The following TSPAN9 variants were observed in gnomAD, a reference collection of about 807,000 sequenced individuals.
TSPAN9 encodes tetraspanin-9.
Under a neutral mutation model 31.0 loss-of-function variants are expected in TSPAN9, and 16 were observed. The ratio of observed to expected loss-of-function variants is 0.52; its 90% CI spans 0.35 to 0.78. The LOEUF (loss-of-function observed/expected upper bound fraction) is 0.78. Ranked by LOEUF, TSPAN9 falls within the 30% of genes least tolerant of loss-of-function variation. TSPAN9 has a pLI of 0.01. For synonymous variants in TSPAN9, 145 were observed against 121.6 expected, an observed-to-expected ratio of 1.19 and a Z score of -1.27; for missense variants, 272 against 312.5, an observed-to-expected ratio of 0.87 and a Z score of 0.98.
At chr12:3,219,547 C>T (rs753393160) in intron 3 of TSPAN9, among the ~76,000 whole-genome samples, 3 of 152,268 alleles carry the variant, frequency 2.0e-5, no homozygotes, top group South Asian at 4.1e-4. Flanking sequence ...ACAGGCAGCT[C>T]TCTCAAATGG....
intron 3 of TSPAN9, among the ~76,000 whole-genome samples, chr12:3,230,851 C>G (rs1355108803): frequency 1.3e-5 from 2 of 152,170 alleles, no homozygotes; most frequent in African/African-American, 2.4e-5. Context: ...CTCGGCCCCC[C>G]TGGAGACCCC....
intron 3 of TSPAN9, among the ~76,000 whole-genome samples, chr12:3,241,743 T>A (rs903774663): frequency 2.6e-5 from 4 of 152,188 alleles, no homozygotes; most frequent in Admixed American, 6.5e-5. Context: ...GCCTTGCCAG[T>A]GTGCCCAGTG....
chr12:3,282,210 G>A (rs149642855), intron 8 of TSPAN9: 121 of 581,612 alleles, frequency 2.1e-4, no homozygotes, highest in African/African-American at 9.9e-4. Context: ...AGACCACACC[G>A]GGCTTCCTTC....
At chr12:3,082,917 G>A (rs145868855) in intron 1 of TSPAN9, among the ~76,000 whole-genome samples, 252 of 152,264 alleles carry the variant, frequency 1.7e-3, no homozygotes, top group Non-Finnish European at 3.0e-3. Context: ...AACAGAGTAG[G>A]CACAGTGGAC....
chr12:3,261,157 A>G (rs988901188), intron 3 of TSPAN9, among the ~76,000 whole-genome samples: 3 of 152,066 alleles, frequency 2.0e-5, no homozygotes, highest in African/African-American at 7.2e-5. Flanking sequence ...ATTTGCGGGG[A>G]TGTGGCCTAA....
At chr12:3,176,947 C>T (rs1251460044) in intron 2 of TSPAN9, among the ~76,000 whole-genome samples, 1 of 151,988 alleles carries the variant, frequency 6.6e-6, no homozygotes, top group South Asian at 2.1e-4. Flanking sequence ...CCCGCATTAG[C>T]GGGAAGAGTA....
intron 2 of TSPAN9, among the ~76,000 whole-genome samples, chr12:3,109,706 G>A (rs1404515071): frequency 1.3e-5 from 2 of 150,678 alleles, no homozygotes; most frequent in South Asian, 2.1e-4. Flanking sequence ...GCTGAGGCAG[G>A]AGAATTGCTT....
rs368748026 is a variant in TSPAN9, at chr12:3,078,647, C to T, written c.-85+1194C>T. Among the ~76,000 whole-genome samples the T allele has an allele frequency of 3.9e-4, 60 of 152,218 alleles. No individual in the cohort carries two copies. The South Asian group carries it at 0.012, about 31-fold the overall frequency. On this transcript the variant is annotated intron_variant, in intron 1 of 8. Coordinates refer to ENST00000011898, the MANE Select transcript of TSPAN9 (RefSeq NM_006675.5). ...CCGGCTTCCTACCCTCGGCTTGGTC[C>T]TGGCATGGCTGATGCAGCTGGGCTG...
intron 3 of TSPAN9, among the ~76,000 whole-genome samples, chr12:3,234,453 C>T (rs1175815369): frequency 6.6e-6 from 1 of 152,210 alleles, no homozygotes; most frequent in Non-Finnish European, 1.5e-5. Flanking sequence ...GCAGCACTGA[C>T]ATAGTAGTAG....
intron 3 of TSPAN9, among the ~76,000 whole-genome samples, chr12:3,236,136 G>C (rs2098393637): frequency 6.6e-6 from 1 of 152,224 alleles, no homozygotes; most frequent in African/African-American, 2.4e-5. Context: ...CAGTGCACCT[G>C]AAGTCAGAAG....
chr12:3,250,019 G>A (rs2153978001), intron 3 of TSPAN9, among the ~76,000 whole-genome samples: 1 of 152,202 alleles, frequency 6.6e-6, no homozygotes, highest in East Asian at 1.9e-4. Flanking sequence ...AATAAATTAG[G>A]ACTACCCATG....
chr12:3,094,456 G>T (rs932852919), intron 2 of TSPAN9, among the ~76,000 whole-genome samples: 1 of 152,034 alleles, frequency 6.6e-6, no homozygotes, highest in African/African-American at 2.4e-5. Context: ...GGATGATGGC[G>T]TGGCTTTAAA....
chr12:3,078,725 C>G (rs2098296353), intron 1 of TSPAN9, among the ~76,000 whole-genome samples: 1 of 151,504 alleles, frequency 6.6e-6, no homozygotes. Context: ...TAATTCAGTT[C>G]TACTCTCACT....
Position 3,220,508 on chromosome 12 carries a change from A to T in TSPAN9, c.63+19252A>T, listed in dbSNP as rs1383266322. 4.6e-5 allele frequency among the ~76,000 whole-genome samples: 7 copies of T among 152,276 alleles called. No individual in the cohort carries two copies. In the South Asian group the frequency reaches 1.5e-3, roughly 32 times the overall value. On this transcript the variant is annotated intron_variant, in intron 3 of 8. Coordinates refer to ENST00000011898, the MANE Select transcript of TSPAN9 (RefSeq NM_006675.5). ...GCATAGCTCACAAATATTGGCCGAG[A>T]TGCTTCTTTGGAGCAGGCAGAGGTG... is the stretch of plus-strand genomic sequence containing the variant.
intron 3 of TSPAN9, among the ~76,000 whole-genome samples, chr12:3,228,948 C>G (rs1054149819): frequency 6.6e-6 from 1 of 152,196 alleles, no homozygotes; most frequent in African/African-American, 2.4e-5. Context: ...ACTGCAATCC[C>G]TCATCTCCTC....
At chr12:3,080,266 T>G (rs139700260) in intron 1 of TSPAN9, among the ~76,000 whole-genome samples, 12 of 152,322 alleles carry the variant, frequency 7.9e-5, no homozygotes, top group African/African-American at 2.9e-4. Flanking sequence ...ACTCAATCAA[T>G]TAGGAAGTGT....
At chr12:3,199,701 C>G (rs1019652652) in intron 2 of TSPAN9, among the ~76,000 whole-genome samples, 3 of 152,168 alleles carry the variant, frequency 2.0e-5, no homozygotes, top group East Asian at 3.9e-4. Context: ...GCTGCAGGAG[C>G]CTGGCGGAGC....
intron 2 of TSPAN9, among the ~76,000 whole-genome samples, chr12:3,084,962 C>T (rs1213208150): frequency 2.0e-5 from 3 of 152,238 alleles, no homozygotes; most frequent in Non-Finnish European, 2.9e-5. Flanking sequence ...TCCCGCCTCC[C>T]TGGGGCCCGG....
At chr12:3,226,211 C>T (rs918808188) in intron 3 of TSPAN9, among the ~76,000 whole-genome samples, 2 of 152,046 alleles carry the variant, frequency 1.3e-5, no homozygotes, top group Non-Finnish European at 2.9e-5. Context: ...GTTAGGAAGG[C>T]AGACATTTTT....
Sources: allele counts gnomAD v4.1 joint callset (sites outside exome capture counted in the v4.1 genomes callset), GRCh38; gene constraint gnomAD v4.1.1; transcripts MANE v1.5; gene names NCBI Gene and HGNC (gene_info 2026-07-23, HGNC 2026-07-21).